TBL1X: variants seen among roughly 807,000 people sequenced by gnomAD.
The protein encoded by TBL1X is transducin beta like 1 X-linked, also known as F-box-like/WD repeat-containing protein TBL1X.
A neutral mutation model predicts 50.7 loss-of-function variants in TBL1X; 10 were observed. The ratio of observed to expected loss-of-function variants is 0.20; its 90% CI spans 0.12 to 0.33. The LOEUF (loss-of-function observed/expected upper bound fraction) is 0.33. Ranked by LOEUF, TBL1X falls within the 10% of genes least tolerant of loss-of-function variation. TBL1X has a pLI of 1.00. For missense variants in TBL1X, 340 were observed against 504.4 expected, an observed-to-expected ratio of 0.67 and a Z score of 3.12; for synonymous variants, 190 against 214.7, an observed-to-expected ratio of 0.88 and a Z score of 1.01.
intron 2 of TBL1X, among the ~76,000 whole-genome samples, chrX:9,522,984 G>A (rs966975007): frequency 1.8e-5 from 2 of 111,864 alleles, no homozygotes; most frequent in African/African-American, 6.5e-5. Context: ...TTGTGGTTTG[G>A]GATTTAGTAA....
At chrX:9,613,272 G>A (rs1192514184) in intron 2 of TBL1X, among the ~76,000 whole-genome samples, 1 of 111,493 alleles carries the variant, frequency 9.0e-6, no homozygotes, top group African/African-American at 3.3e-5. Flanking sequence ...GACTCCAATA[G>A]GAGAATTTCC....
chrX:9,712,073 G>A (rs6638954), intron 16 of TBL1X, among the ~76,000 whole-genome samples: 2,581 of 112,333 alleles, frequency 0.023, 68 homozygotes, highest in African/African-American at 0.078. Context: ...TGAAGGAGCC[G>A]CTGTCTTCTG....
chrX:9,567,984 T>C (rs1243812313), intron 2 of TBL1X, among the ~76,000 whole-genome samples: 2 of 112,019 alleles, frequency 1.8e-5, no homozygotes, highest in African/African-American at 6.5e-5. Flanking sequence ...TCCTCCTCTG[T>C]GCAGTGGGGC....
At chrX:9,659,742 A>G (rs1569089851) in intron 5 of TBL1X, among the ~76,000 whole-genome samples, 2 of 112,186 alleles carry the variant, frequency 1.8e-5, no homozygotes, top group African/African-American at 3.2e-5. Context: ...GACTGGTTTT[A>G]TAGACGTGAG....
intron 7 of TBL1X, among the ~76,000 whole-genome samples, chrX:9,689,588 C>G (rs2083084909): frequency 9.0e-6 from 1 of 111,698 alleles, no homozygotes; most frequent in Admixed American, 9.4e-5. Flanking sequence ...ACTTCTGGAA[C>G]AGCCACCCCA....
intron 2 of TBL1X, among the ~76,000 whole-genome samples, chrX:9,630,161 T>C (rs984433965): frequency 1.8e-5 from 2 of 112,091 alleles, no homozygotes; most frequent in African/African-American, 6.5e-5. Flanking sequence ...TCCAGTCTCC[T>C]TCTAACAGAC....
chrX:9,600,375 AG>A (rs2082549015), intron 2 of TBL1X, among the ~76,000 whole-genome samples: 1 of 93,348 alleles, frequency 1.1e-5, no homozygotes. Flanking sequence ...CCCATTCATG[AG>A]GCCCCACCCT....
intron 1 of TBL1X, among the ~76,000 whole-genome samples, chrX:9,495,816 A>C (rs2081968392): frequency 8.9e-6 from 1 of 111,739 alleles, no homozygotes; most frequent in Admixed American, 9.5e-5. Flanking sequence ...ACATTTCAAA[A>C]AACTGGCACT....
In TBL1X at chrX:9,542,558, A is replaced by G. The variant is rs1040951714; in HGVS notation, c.-131+40709A>G. ...TTTTCATCATGACCTGAGCTTGTGA[A>G]CACTCTGCCTTGGCCCCGCCTCGCA... On this transcript the variant is annotated intron_variant, in intron 2 of 17. Coordinates refer to ENST00000645353, the MANE Select transcript of TBL1X (RefSeq NM_005647.4). Among the ~76,000 whole-genome samples the G allele has an allele frequency of 2.1e-4, 24 of 111,737 alleles. 1 individual carries two copies. The Admixed American group carries it at 2.3e-3, about 11-fold the overall frequency.
chrX:9,565,278 A>AAAAAAG (rs2082345342), intron 2 of TBL1X, among the ~76,000 whole-genome samples: 1 of 107,755 alleles, frequency 9.3e-6, no homozygotes, highest in Non-Finnish European at 1.9e-5. Flanking sequence ...TCTCAAAAAA[A>AAAAAAG]AAAAAAAAAA....
intron 2 of TBL1X, among the ~76,000 whole-genome samples, chrX:9,528,600 C>A (rs999982685): frequency 9.3e-5 from 10 of 107,726 alleles, no homozygotes; most frequent in Non-Finnish European, 1.9e-4. Flanking sequence ...AGGTGACCCG[C>A]AGCTGCACAT....
intron 1 of TBL1X, among the ~76,000 whole-genome samples, chrX:9,470,008 GA>G (rs1405847880): frequency 8.9e-6 from 1 of 112,630 alleles, no homozygotes; most frequent in African/African-American, 3.2e-5. Context: ...CACAAGCAAG[GA>G]AAAAACAGCT....
Position 9,609,336 on chromosome X carries a change from G to GGGGTGTGTGTGTGT in TBL1X, c.-130-30936_-130-30935insGGTGTGTGTGTGTG, listed in dbSNP as rs1555900202. Among the ~76,000 whole-genome samples the GGGGTGTGTGTGTGT allele has an allele frequency of 1.4e-3, 131 of 94,769 alleles. 3 individuals are homozygous for GGGGTGTGTGTGTGT. The highest frequency in any genetic ancestry group is 4.6e-3 in the East Asian group (14 of 3,054). The allele number at this position is 94,769 out of a possible 115,157, so 82.3% of individuals were successfully genotyped here. A position where few individuals can be genotyped will look rare whatever the true frequency, so the allele number is the denominator to read the frequency against. ...CATTTTGGTGGTGTGTTTTCTTCCA[G>GGGGTGTGTGTGTGT]GTGTGTGTGTGTGTGTGTGTGTGTG... is the stretch of plus-strand genomic sequence containing the variant. On this transcript the variant is annotated intron_variant, in intron 2 of 17. Transcript: ENST00000645353.
chrX:9,691,885 G>A (rs1407281376), intron 8 of TBL1X, among the ~76,000 whole-genome samples, 174 bp downstream of exon 8: 1 of 112,157 alleles, frequency 8.9e-6, no homozygotes, highest in Non-Finnish European at 1.9e-5. Flanking sequence ...GTCTCATATT[G>A]TGGAGAAGCC....
At chrX:9,491,047 T>C (rs1257165082) in intron 1 of TBL1X, among the ~76,000 whole-genome samples, 1 of 108,318 alleles carries the variant, frequency 9.2e-6, no homozygotes, top group Non-Finnish European at 1.9e-5. Context: ...GGCTCAATCA[T>C]AGCTCATTGC....
chrX:9,699,906 A>G (rs2083158867), intron 12 of TBL1X, among the ~76,000 whole-genome samples: 1 of 111,553 alleles, frequency 9.0e-6, no homozygotes, highest in Admixed American at 9.5e-5. Context: ...TGTTGCTTTA[A>G]TTGACACTGT....
At chrX:9,628,554 CTT>C (rs3043949) in intron 2 of TBL1X, among the ~76,000 whole-genome samples, 1 of 102,648 alleles carries the variant, frequency 9.7e-6, no homozygotes, top group Non-Finnish European at 2.0e-5. Flanking sequence ...TTTTTCTTTT[CTT>C]TTTTTTTTGA....
At chrX:9,500,090 G>A (rs2081992551) in intron 1 of TBL1X, among the ~76,000 whole-genome samples, 1 of 108,260 alleles carries the variant, frequency 9.2e-6, no homozygotes, top group South Asian at 4.0e-4. Flanking sequence ...TTCGAGATTA[G>A]CATGGGCAAC....
At chrX:9,669,460 C>G (rs2082948506) in intron 5 of TBL1X, among the ~76,000 whole-genome samples, 1 of 111,992 alleles carries the variant, frequency 8.9e-6, no homozygotes, top group Non-Finnish European at 1.9e-5. Context: ...TGGCCCAAAT[C>G]TCTCTGCTAG....
Sources: gnomAD v4.1 joint callset for allele counts (sites outside exome capture counted in the v4.1 genomes callset) on GRCh38, gnomAD v4.1.1 for gene constraint, MANE v1.5 for transcripts, NCBI Gene and HGNC (gene_info 2026-07-23, HGNC 2026-07-21) for gene names.